ADGRE1: variants seen among roughly 807,000 people sequenced by gnomAD.
ADGRE1 encodes adhesion G protein-coupled receptor E1.
ADGRE1 carries 82 observed loss-of-function variants against 102.7 expected under a neutral mutation model. The observed-to-expected ratio is 0.80, with a 90% CI of 0.67 to 0.96. The LOEUF (loss-of-function observed/expected upper bound fraction) is 0.96, where lower values mean the gene tolerates loss of function less well. ADGRE1 is among the 40% of genes least tolerant of loss of function. The probability of loss-of-function intolerance (pLI) is 0.00; values close to 1 mark genes in which losing one functional copy is unlikely to be tolerated. For missense variants in ADGRE1, 1,032 were observed against 1,085.3 expected, an observed-to-expected ratio of 0.95 and a Z score of 0.69; for synonymous variants, 398 against 399.6, an observed-to-expected ratio of 1.00 and a Z score of 0.05.
At chr19:6,907,326 A>C (rs1056590308) in intron 9 of ADGRE1, among the ~76,000 whole-genome samples, 2 of 149,778 alleles carry the variant, frequency 1.3e-5, no homozygotes, top group African/African-American at 5.0e-5. Flanking sequence ...TCATCACCTC[A>C]ATCTAGTTCT....
chr19:6,890,096 TG>T (rs1488775988), intron 1 of ADGRE1, among the ~76,000 whole-genome samples: 1 of 152,114 alleles, frequency 6.6e-6, no homozygotes, highest in African/African-American at 2.4e-5. Flanking sequence ...ATTTTTTTTT[TG>T]TAGAGACAAA....
intron 8 of ADGRE1, 126 bp downstream of exon 8, chr19:6,904,308 T>C: frequency 1.6e-6 from 2 of 1,233,134 alleles, no homozygotes; most frequent in Non-Finnish European, 2.2e-6. Context: ...TGTTTCTTTT[T>C]CTTCTTCATC....
At chr19:6,898,770 C>A in intron 5 of ADGRE1, 1 of 529,628 alleles carries the variant, frequency 1.9e-6, no homozygotes, top group Non-Finnish European at 3.3e-6. Flanking sequence ...GGGATTTTCT[C>A]ATGTAGGGAT....
At chr19:6,908,317 T>C (rs1017911900) in intron 9 of ADGRE1, among the ~76,000 whole-genome samples, 3 of 152,224 alleles carry the variant, frequency 2.0e-5, no homozygotes, top group African/African-American at 7.2e-5. Flanking sequence ...GTAAACCTCG[T>C]TCAAGGCTCT....
In ADGRE1 at chr19:6,929,937, G is replaced by A. The variant is rs374510080; in HGVS notation, c.2289+1726G>A. ...TGGGATTTCAAGCGTGAGTCTCTGC[G>A]CCCAGCCAGAGCTGCCATTTTGAAC... On this transcript the variant is annotated intron_variant, in intron 17 of 20. Coordinates refer to ENST00000312053, the MANE Select transcript of ADGRE1 (RefSeq NM_001974.5). Among the ~76,000 whole-genome samples the A allele has an allele frequency of 2.9e-4, 44 of 152,196 alleles. 1 individual carries two copies. Among genetic ancestry groups the A allele is most frequent in the South Asian group, 1.0e-3 (5 of 4,820 alleles).
At chr19:6,921,668 G>T in intron 13 of ADGRE1, 45 bp from the exon 14 acceptor site, 3 of 1,510,234 alleles carry the variant, frequency 2.0e-6, no homozygotes, top group Middle Eastern at 1.7e-4. Flanking sequence ...ATTTGATGGG[G>T]ATTCCCAGAA....
At chr19:6,898,897 A>G (rs1398089402) in intron 5 of ADGRE1, among the ~76,000 whole-genome samples, 2 of 152,102 alleles carry the variant, frequency 1.3e-5, no homozygotes, top group Non-Finnish European at 2.9e-5. Flanking sequence ...TAGGCAGCAC[A>G]TGGTTTGGTC....
chr19:6,921,730 G>A lies in ADGRE1; in HGVS notation c.1638G>A (p.Glu546=). 1 of 1,599,896 alleles carries A rather than the reference G, an allele frequency of 6.3e-7. No homozygotes were observed. The highest frequency in any genetic ancestry group is 8.5e-7 in the Non-Finnish European group (1 of 1,175,538). The change falls in exon 14 of 21, where the codon GAG becomes GAA. Residue 546 remains glutamate (E), a synonymous_variant. Transcript: ENST00000312053. ...LENIQPKQKF[E]RPICVSWSTD... ...TTTTTTAGCCAAAGCAGAAGTTTGA[G>A]AGGCCCATCTGTGTTTCCTGGAGCA...
chr19:6,929,440 G>A (rs910171515), intron 17 of ADGRE1, among the ~76,000 whole-genome samples: 4 of 152,092 alleles, frequency 2.6e-5, no homozygotes, highest in African/African-American at 4.8e-5. Context: ...TATGCAAATG[G>A]GGTCTTTACT....
chr19:6,909,515 T>G (rs1174140266), intron 10 of ADGRE1, among the ~76,000 whole-genome samples: 1 of 152,172 alleles, frequency 6.6e-6, no homozygotes, highest in Non-Finnish European at 1.5e-5. Context: ...ATAGTGCATT[T>G]GAGATGCCTG....
intron 10 of ADGRE1, 122 bp downstream of exon 10, chr19:6,908,894 G>A (rs2144931955): frequency 4.7e-6 from 4 of 854,570 alleles, no homozygotes; most frequent in Non-Finnish European, 7.1e-6. Context: ...AGCACTTTGG[G>A]AGATTGAGTC....
intron 14 of ADGRE1, among the ~76,000 whole-genome samples, chr19:6,923,594 G>A (rs1393084769): frequency 6.6e-6 from 1 of 151,980 alleles, no homozygotes; most frequent in African/African-American, 2.4e-5. Context: ...GCAGAGGTGT[G>A]ATCTCAGCTC....
chr19:6,901,185 ATG>A (rs1973754141), intron 5 of ADGRE1, among the ~76,000 whole-genome samples: 1 of 152,246 alleles, frequency 6.6e-6, no homozygotes, highest in African/African-American at 2.4e-5. Flanking sequence ...GATTTTCACC[ATG>A]TAGCTACACC....
intron 20 of ADGRE1, among the ~76,000 whole-genome samples, chr19:6,938,769 T>G (rs575357959): frequency 1.6e-4 from 15 of 95,410 alleles, no homozygotes; most frequent in African/African-American, 5.2e-4. Flanking sequence ...TGCTCTATTT[T>G]CTTTTTTCTT....
intron 17 of ADGRE1, among the ~76,000 whole-genome samples, chr19:6,934,225 G>A (rs1490873401): frequency 1.3e-5 from 2 of 152,078 alleles, no homozygotes; most frequent in African/African-American, 4.8e-5. Flanking sequence ...TAGGAGCGGG[G>A]TATCCTGTGT....
intron 3 of ADGRE1, 178 bp downstream of exon 3, chr19:6,896,719 G>A: frequency 3.0e-6 from 2 of 673,750 alleles, no homozygotes; most frequent in South Asian, 4.6e-5. Flanking sequence ...ATATGTGGGG[G>A]TGTTGTTACT....
chr19:6,908,737 G>T lies in ADGRE1; in HGVS notation c.1087G>T (p.Val363Leu). Residue 363 changes from valine to leucine, a missense_variant, in exon 10 of 21, where the codon GTG becomes TTG. Coordinates refer to ENST00000312053, the MANE Select transcript of ADGRE1 (RefSeq NM_001974.5). ...INNIFSVLDK[V>L]CENKTTVVSL... Reference sequence around the variant, plus strand: ...TAACATCTTCAGCGTTCTGGACAAAGTGTGTGAAAATAAAACGACCGTAGT... The same window carrying T: ...TAACATCTTCAGCGTTCTGGACAAATTGTGTGAAAATAAAACGACCGTAGT... 6.2e-7 allele frequency: 1 copy of T among 1,604,132 alleles called. No homozygotes were observed. The highest frequency in any genetic ancestry group is 8.5e-7 in the Non-Finnish European group (1 of 1,175,662).
At chr19:6,912,089 C>G (rs1379198953) in intron 10 of ADGRE1, among the ~76,000 whole-genome samples, 1 of 151,688 alleles carries the variant, frequency 6.6e-6, no homozygotes, top group Non-Finnish European at 1.5e-5. Context: ...CACAAACACA[C>G]ATATATACAC....
chr19:6,911,287 T>G (rs1381727584), intron 10 of ADGRE1, among the ~76,000 whole-genome samples: 1 of 152,084 alleles, frequency 6.6e-6, no homozygotes, highest in East Asian at 1.9e-4. Context: ...GAAACTTGTA[T>G]TGCTGCTCAA....
Sources: gnomAD v4.1 joint callset for allele counts (sites outside exome capture counted in the v4.1 genomes callset) on GRCh38, gnomAD v4.1.1 for gene constraint, MANE v1.5 for transcripts, NCBI Gene and HGNC (gene_info 2026-07-23, HGNC 2026-07-21) for gene names.